The following LRRIQ1 variants were observed in gnomAD, a reference collection of about 807,000 sequenced individuals.
The protein encoded by LRRIQ1 is leucine-rich repeat- and IQ domain-containing protein 1.
In LRRIQ1, 210 loss-of-function variants were observed where a neutral mutation model predicts 211.9. That is an observed-to-expected ratio of 0.99 (90% CI 0.89 to 1.11). LRRIQ1 has a LOEUF of 1.11. Among genes scored for constraint, LRRIQ1 ranks in the 50% most tolerant of loss-of-function variants. The pLI is 0.00. For synonymous variants in LRRIQ1, 699 were observed against 650.1 expected, an observed-to-expected ratio of 1.08 and a Z score of -1.14; for missense variants, 2,136 against 1,939.5, an observed-to-expected ratio of 1.10 and a Z score of -1.90.
At chr12:85,259,560 T>G (rs1270090129) in intron 1 of LRRIQ1, among the ~76,000 whole-genome samples, 1 of 152,102 alleles carries the variant, frequency 6.6e-6, no homozygotes, top group African/African-American at 2.4e-5. Flanking sequence ...GAGAATAAGC[T>G]ATATAGATTA....
intron 24 of LRRIQ1, among the ~76,000 whole-genome samples, chr12:85,226,734 T>C (rs1894678475): frequency 1.5e-5 from 2 of 134,306 alleles, no homozygotes; most frequent in South Asian, 5.0e-4. Flanking sequence ...CTTTTCCATG[T>C]GTTCCCATTG....
chr12:85,229,488 TA>T (rs1490103842), intron 24 of LRRIQ1, 28 bp from the exon 25 acceptor site: 1 of 1,560,650 alleles, frequency 6.4e-7, no homozygotes, highest in Non-Finnish European at 8.6e-7. Context: ...CTTTAAATAA[TA>T]AGTACACGTT....
intron 1 of LRRIQ1, among the ~76,000 whole-genome samples, chr12:85,258,539 A>G (rs1389616716): frequency 6.6e-6 from 1 of 151,924 alleles, no homozygotes; most frequent in South Asian, 2.1e-4. Flanking sequence ...AAAGTTCACT[A>G]TAAATGATTA....
At chr12:85,127,781 G>A in intron 17 of LRRIQ1, 51 bp from the exon 18 acceptor site, 1 of 1,503,734 alleles carries the variant, frequency 6.7e-7, no homozygotes. Context: ...CTACAACTCT[G>A]TATTTACAGA....
At chr12:85,261,639 T>TG (rs1896291052) in intron 1 of LRRIQ1, among the ~76,000 whole-genome samples, 3 of 152,028 alleles carry the variant, frequency 2.0e-5, no homozygotes. Flanking sequence ...AAGCCAGTAC[T>TG]GAGGAAGCCC....
intron 24 of LRRIQ1, among the ~76,000 whole-genome samples, chr12:85,217,112 A>G (rs1894124349): frequency 6.6e-6 from 1 of 151,804 alleles, no homozygotes; most frequent in South Asian, 2.1e-4. Flanking sequence ...TGTATCAGAA[A>G]CTTATCTATA....
chr12:85,127,410 C>A (rs988155472), intron 17 of LRRIQ1, among the ~76,000 whole-genome samples: 1 of 152,180 alleles, frequency 6.6e-6, no homozygotes, highest in Non-Finnish European at 1.5e-5. Flanking sequence ...AGGAAGCCTC[C>A]TTCCTCTTAC....
At chr12:85,140,909 A>G (rs979961533) in intron 19 of LRRIQ1, among the ~76,000 whole-genome samples, 3 of 151,310 alleles carry the variant, frequency 2.0e-5, no homozygotes, top group Non-Finnish European at 4.4e-5. Context: ...GTATTCTTAG[A>G]ATAAACTAAC....
rs1042681239 is a variant in LRRIQ1 at position 85,040,562 on chromosome 12, G to A, written c.205G>A (p.Glu69Lys). The A allele has an allele frequency of 1.9e-6, 3 of 1,600,676 alleles. No homozygotes were observed. Among genetic ancestry groups the A allele is most frequent in the Non-Finnish European group, 2.6e-6 (3 of 1,172,072 alleles). Reference sequence around the variant, plus strand: ...AAAGAACAGGAGTAAAGCTGTTGAAGAGCTCATTCTTCAGGACCTGGAAGA... The same window carrying A: ...AAAGAACAGGAGTAAAGCTGTTGAAAAGCTCATTCTTCAGGACCTGGAAGA... ...IIKNRSKAVE[E>K]LILQDLEDTD... Residue 69 changes from glutamate to lysine, a missense_variant, in exon 3 of 27, where the codon GAG becomes AAG. By Grantham distance (56) the Glu-to-Lys change is moderately conservative. Transcript: ENST00000393217.
chr12:85,219,892 G>A (rs1181671406), intron 24 of LRRIQ1, among the ~76,000 whole-genome samples: 1 of 152,058 alleles, frequency 6.6e-6, no homozygotes, highest in Admixed American at 6.6e-5. Context: ...ATTGGTTAAG[G>A]AAGAAACCAT....
chr12:85,259,438 C>T (rs758294600), intron 1 of LRRIQ1, among the ~76,000 whole-genome samples: 12 of 151,906 alleles, frequency 7.9e-5, no homozygotes, highest in Non-Finnish European at 1.6e-4. Context: ...GCAATGAATG[C>T]CAATATGTGA....
intron 24 of LRRIQ1, among the ~76,000 whole-genome samples, chr12:85,212,221 G>A (rs983822491): frequency 1.3e-4 from 20 of 152,112 alleles, no homozygotes; most frequent in African/African-American, 4.6e-4. Flanking sequence ...GGAGATGGAG[G>A]CTGCAGATGG....
At chr12:85,116,075 C>T (rs1887549846) in intron 15 of LRRIQ1, among the ~76,000 whole-genome samples, 4 of 152,146 alleles carry the variant, frequency 2.6e-5, no homozygotes, top group Admixed American at 2.6e-4. Flanking sequence ...AACAAATTAT[C>T]GTAGTATAAC....
intron 11 of LRRIQ1, among the ~76,000 whole-genome samples, chr12:85,081,380 T>G (rs1241361712): frequency 6.6e-6 from 1 of 152,132 alleles, no homozygotes; most frequent in African/African-American, 2.4e-5. Flanking sequence ...ATTATTACTA[T>G]AATCAGAAAG....
chr12:85,041,870 A>G (rs1287510735), intron 3 of LRRIQ1, among the ~76,000 whole-genome samples: 1 of 151,864 alleles, frequency 6.6e-6, no homozygotes, highest in Non-Finnish European at 1.5e-5. Context: ...ATATGGTCAT[A>G]TTCTGGACAT....
chr12:85,089,973 T>C (rs2136222382), intron 11 of LRRIQ1, among the ~76,000 whole-genome samples: 1 of 152,314 alleles, frequency 6.6e-6, no homozygotes, highest in South Asian at 2.1e-4. Flanking sequence ...CTAGGAGGAC[T>C]GAATGGTTTC....
intron 24 of LRRIQ1, among the ~76,000 whole-genome samples, chr12:85,198,717 G>T (rs1048345935): frequency 2.0e-5 from 3 of 151,920 alleles, no homozygotes; most frequent in African/African-American, 7.3e-5. Flanking sequence ...ACAGGCGCCT[G>T]CCTCCATGCT....
chr12:85,098,092 C>G (rs910358688), intron 11 of LRRIQ1, among the ~76,000 whole-genome samples: 1 of 152,026 alleles, frequency 6.6e-6, no homozygotes, highest in African/African-American at 2.4e-5. Context: ...AGCATTCATT[C>G]CCAGTGTATG....
intron 26 of LRRIQ1, among the ~76,000 whole-genome samples, chr12:85,239,238 T>C (rs1895344933): frequency 6.6e-6 from 1 of 151,770 alleles, no homozygotes; most frequent in Admixed American, 6.6e-5. Context: ...TATTAAACTG[T>C]GTATGGAAAT....
Sources: gnomAD v4.1 joint callset for allele counts (sites outside exome capture counted in the v4.1 genomes callset) on GRCh38, gnomAD v4.1.1 for gene constraint, MANE v1.5 for transcripts, NCBI Gene and HGNC (gene_info 2026-07-23, HGNC 2026-07-21) for gene names.